CES5A: variants seen among roughly 807,000 people sequenced by gnomAD.
The protein encoded by CES5A is carboxylesterase 5.
Under a neutral mutation model 62.9 loss-of-function variants are expected in CES5A, and 67 were observed. The observed-to-expected ratio is 1.07, with a 90% CI of 0.88 to 1.31. The LOEUF (loss-of-function observed/expected upper bound fraction) is 1.31. CES5A is among the 50% of genes most tolerant of loss of function. The probability of loss-of-function intolerance (pLI) is 0.00; values close to 1 mark genes in which losing one functional copy is unlikely to be tolerated. For synonymous variants in CES5A, 296 were observed against 280.8 expected (o/e 1.05, Z -0.54); for missense variants, 748 against 708.5 (o/e 1.06, Z -0.63).
At chr16:55,929,964 C>A (rs1461625835), upstream of CES5A, among the ~76,000 whole-genome samples, 1 of 150,770 alleles carries the variant, frequency 6.6e-6, no homozygotes, top group Admixed American at 6.6e-5. Context: ...GGCCCCCTCA[C>A]CACCTTCCTT....
At chr16:55,876,265 C>G (rs1465335328), upstream of CES5A, among the ~76,000 whole-genome samples, 1 of 151,950 alleles carries the variant, frequency 6.6e-6, no homozygotes, top group African/African-American at 2.4e-5. Context: ...GATTTTTTTT[C>G]TTTAAATTGA....
chr16:55,949,924 T>C lies in CES5A; in HGVS notation c.43-22A>G, dbSNP rs748933049. The C allele has an allele frequency of 2.0e-5, 22 of 1,122,034 alleles. No individual in the cohort carries two copies. In the East Asian group the frequency reaches 5.8e-4, roughly 29 times the overall value. The allele number at this position is 1,122,034 out of a possible 1,614,324, so 69.5% of individuals were successfully genotyped here. A position where few individuals can be genotyped will look rare whatever the true frequency, so the allele number is the denominator to read the frequency against. ...ACTCCTGGAAAAAAAGAAATAATAA[T>C]AATAATAAACATTGATGATAACAAT... On this transcript the variant is annotated intron_variant, in intron 1 of 13. Transcript: ENST00000521992.
intron 1 of CES5A, among the ~76,000 whole-genome samples, chr16:55,890,597 A>G (rs545754144): frequency 1.3e-5 from 2 of 152,332 alleles, no homozygotes; most frequent in South Asian, 2.1e-4. Flanking sequence ...ATAGTGATAT[A>G]TCTTATAAAC....
chr16:55,873,851 G>T lies in CES5A; in HGVS notation c.260C>A (p.Ala87Asp). Residue 87 changes from alanine (A) to aspartate (D), a missense_variant, in exon 2 of 13, where the codon GCC (alanine) becomes GAC (aspartate). Coordinates refer to ENST00000290567, the MANE Select transcript of CES5A (RefSeq NM_001143685.2). ...GTCTTACAAATTAGGGTAGGAGGTG[G>T]CTTCTCGCAAGTTATCCCAGGGCGA... The part of the protein sequence containing the change: ...PASPWDNLRE[A>D]TSYPNLCLQN... 1.9e-6 allele frequency: 3 copies of T among 1,613,002 alleles called. No individual in the cohort carries two copies. Among genetic ancestry groups the T allele is most frequent in the Non-Finnish European group, 2.5e-6 (3 of 1,179,576 alleles).
chr16:55,851,673 G>A (rs142758907), intron 10 of CES5A, among the ~76,000 whole-genome samples: 384 of 152,276 alleles, frequency 2.5e-3, no homozygotes, highest in South Asian at 0.023. Context: ...ACTGAAAACA[G>A]GGACTTGAAC....
intron 1 of CES5A, among the ~76,000 whole-genome samples, chr16:55,904,630 T>C (rs1389900201): frequency 1.3e-5 from 2 of 152,124 alleles, no homozygotes; most frequent in African/African-American, 4.8e-5. Context: ...AAAACCTATT[T>C]CAAATGGGAA....
chr16:55,887,444 T>C (rs1440862036), intron 1 of CES5A, among the ~76,000 whole-genome samples: 1 of 151,510 alleles, frequency 6.6e-6, no homozygotes, highest in Non-Finnish European at 1.5e-5. Flanking sequence ...TGCTGCTATA[T>C]ATAAGGGTGC....
chr16:55,917,743 C>T (rs2034161917), intron 1 of CES5A, among the ~76,000 whole-genome samples: 1 of 152,122 alleles, frequency 6.6e-6, no homozygotes, highest in African/African-American at 2.4e-5. Context: ...TCATTAAATC[C>T]AGCCCACACT....
At chr16:55,893,092 T>C (rs2033898020) in intron 1 of CES5A, among the ~76,000 whole-genome samples, 1 of 152,148 alleles carries the variant, frequency 6.6e-6, no homozygotes, top group South Asian at 2.1e-4. Context: ...GAGTAAGTAG[T>C]AGCACTGAGA....
chr16:55,924,790 A>T (rs1341689383), intron 1 of CES5A, among the ~76,000 whole-genome samples: 1 of 151,436 alleles, frequency 6.6e-6, no homozygotes, highest in East Asian at 1.9e-4. Context: ...ACAATAAATG[A>T]TGCTGGGAAA....
chr16:55,875,092 G>C, intron 1 of CES5A, 57 bp downstream of exon 1: 2 of 1,541,528 alleles, frequency 1.3e-6, no homozygotes, highest in Non-Finnish European at 1.8e-6. Flanking sequence ...TCTACCAGTG[G>C]AAAATCCTCA....
At chr16:55,919,657 T>C (rs776820927) in intron 1 of CES5A, among the ~76,000 whole-genome samples, 1 of 152,220 alleles carries the variant, frequency 6.6e-6, no homozygotes, top group African/African-American at 2.4e-5. Flanking sequence ...TCTTTTAAGA[T>C]TTAGAAAAAT....
chr16:55,860,141 T>G (rs758976863), intron 7 of CES5A, among the ~76,000 whole-genome samples: 47 of 151,648 alleles, frequency 3.1e-4, no homozygotes, highest in Non-Finnish European at 6.2e-4. Context: ...AAAGGGGAGC[T>G]CCCCTGAACA....
intron 2 of CES5A, among the ~76,000 whole-genome samples, chr16:55,938,815 TACAC>T (rs1217964818): frequency 3.1e-3 from 312 of 100,084 alleles, no homozygotes; most frequent in African/African-American, 0.012. Context: ...TATATATATA[TACAC>T]ACACATATAT....
intron 2 of CES5A, among the ~76,000 whole-genome samples, chr16:55,873,276 G>A (rs546978017): frequency 1.5e-4 from 23 of 152,204 alleles, no homozygotes; most frequent in African/African-American, 3.9e-4. Context: ...GAGTCCCTGC[G>A]TCACAGAGAC....
At chr16:55,931,517 A>G (rs1238567901) in intron 2 of CES5A, among the ~76,000 whole-genome samples, 1 of 152,044 alleles carries the variant, frequency 6.6e-6, no homozygotes, top group Non-Finnish European at 1.5e-5. Flanking sequence ...TCTCCACCCT[A>G]TCTCTTGCTA....
At chr16:55,937,837 T>C (rs1180466029) in intron 2 of CES5A, among the ~76,000 whole-genome samples, 3 of 152,186 alleles carry the variant, frequency 2.0e-5, no homozygotes, top group African/African-American at 7.2e-5. Context: ...AATATTGGGC[T>C]ACAAGCTTAC....
rs369679801 is a variant in CES5A, at chr16:55,866,658, T to TAAAAAAAAAA, written c.552-552_552-543dup. ...TAATATAGTGAAACTCTGTCTCTGCTAAAAAAAAAAAAAAAAAAAATACAA... is the reference window on the plus strand; with the variant it reads ...TAATATAGTGAAACTCTGTCTCTGCTAAAAAAAAAAAAAAAAAAAAAAAAAAAAAATACAA... On this transcript the variant is annotated intron_variant, in intron 4 of 12. Coordinates refer to ENST00000290567, the MANE Select transcript of CES5A (RefSeq NM_001143685.2). 1.0e-3 allele frequency among the ~76,000 whole-genome samples: 83 copies of TAAAAAAAAAA among 82,780 alleles called. 1 individual carries two copies. The highest frequency in any genetic ancestry group is 1.7e-3 in the Non-Finnish European group (68 of 39,724). 54.3% of individuals were successfully genotyped at this position (82,780 alleles called of 152,430 possible). A position where few individuals can be genotyped will look rare whatever the true frequency, so the allele number is the denominator to read the frequency against.
chr16:55,951,807 GA>G, intron 1 of CES5A, among the ~76,000 whole-genome samples: 1 of 152,286 alleles, frequency 6.6e-6, no homozygotes, highest in East Asian at 1.9e-4. Flanking sequence ...AGCAAAAACT[GA>G]AGGATATACA....
Sources: gnomAD v4.1 joint callset for allele counts (sites outside exome capture counted in the v4.1 genomes callset) on GRCh38, gnomAD v4.1.1 for gene constraint, MANE v1.5 for transcripts, NCBI Gene and HGNC (gene_info 2026-07-23, HGNC 2026-07-21) for gene names.